The following ADRA1B variants were observed in gnomAD, a reference collection of about 807,000 sequenced individuals.
ADRA1B encodes the protein adrenoceptor alpha 1B, also known as alpha-1B adrenergic receptor.
A neutral mutation model predicts 17.9 loss-of-function variants in ADRA1B; 17 were observed. That is an observed-to-expected ratio of 0.95 (90% confidence interval 0.65 to 1.42). The LOEUF (loss-of-function observed/expected upper bound fraction) is 1.42. ADRA1B is among the 40% of genes most tolerant of loss of function. The pLI is 0.00. For missense variants in ADRA1B, 681 were observed against 722.1 expected, an observed-to-expected ratio of 0.94 and a Z score of 0.65; for synonymous variants, 366 against 327.6, an observed-to-expected ratio of 1.12 and a Z score of -1.27.
downstream of ADRA1B, among the ~76,000 whole-genome samples, chr5:159,973,038 C>A (rs1247435547): frequency 6.6e-6 from 1 of 152,220 alleles, no homozygotes; most frequent in Non-Finnish European, 1.5e-5. Flanking sequence ...TGTGGACGAG[C>A]GGCAGGCAGA....
intron 1 of ADRA1B, among the ~76,000 whole-genome samples, chr5:159,929,813 T>C (rs2030372): frequency 6.6e-6 from 1 of 152,192 alleles, no homozygotes; most frequent in Non-Finnish European, 1.5e-5. Flanking sequence ...ACTCTCAGTA[T>C]TTTTTCTCCT....
chr5:159,895,227 C>A (rs1015469115), intron 1 of ADRA1B, among the ~76,000 whole-genome samples: 3 of 152,204 alleles, frequency 2.0e-5, no homozygotes, highest in Admixed American at 2.0e-4. Flanking sequence ...CCCTTCTAGA[C>A]CAAGATGGCA....
chr5:159,988,412 T>C, the ADRA1B span, among the ~76,000 whole-genome samples: 1 of 152,234 alleles, frequency 6.6e-6, no homozygotes, highest in Non-Finnish European at 1.5e-5. Context: ...GCCACTATTT[T>C]GTAATGCTTT....
chr5:159,978,884 G>A, the ADRA1B span, among the ~76,000 whole-genome samples: 4 of 152,164 alleles, frequency 2.6e-5, no homozygotes, highest in East Asian at 1.9e-4. Context: ...ACGGACACCC[G>A]TACAGTACTT....
intron 1 of ADRA1B, among the ~76,000 whole-genome samples, chr5:159,896,547 A>T (rs11745333): frequency 0.15 from 22,230 of 152,252 alleles, 1,882 homozygotes; most frequent in Non-Finnish European, 0.19. Context: ...AGAAACATTT[A>T]AAAAGCTACT....
chr5:159,876,580 G>T (rs1753804978), intron 1 of ADRA1B, among the ~76,000 whole-genome samples: 1 of 152,162 alleles, frequency 6.6e-6, no homozygotes, highest in Admixed American at 6.5e-5. Context: ...CCTAGATTCA[G>T]CAGAGGGGGG....
chr5:159,989,180 G>A, the ADRA1B span, among the ~76,000 whole-genome samples: 1 of 151,992 alleles, frequency 6.6e-6, no homozygotes, highest in African/African-American at 2.4e-5. Flanking sequence ...TTCTTTGTTT[G>A]TTTGTTTGTT....
chr5:159,973,523 T>C (rs1368861625), downstream of ADRA1B, among the ~76,000 whole-genome samples: 1 of 152,176 alleles, frequency 6.6e-6, no homozygotes, highest in East Asian at 1.9e-4. Context: ...AGCACTCCAC[T>C]GATTGTTTGC....
chr5:159,950,142 T>G (rs1238497249), intron 1 of ADRA1B, among the ~76,000 whole-genome samples: 1 of 152,244 alleles, frequency 6.6e-6, no homozygotes, highest in Non-Finnish European at 1.5e-5. Context: ...GGAAGTTTTC[T>G]GTAATAATCC....
At chr5:159,958,753 T>C (rs1290758934) in intron 1 of ADRA1B, among the ~76,000 whole-genome samples, 1 of 152,236 alleles carries the variant, frequency 6.6e-6, no homozygotes, top group African/African-American at 2.4e-5. Context: ...AAAAGCAATC[T>C]ATGTATCTTC....
the ADRA1B span, among the ~76,000 whole-genome samples, chr5:159,978,076 C>T: frequency 1.3e-5 from 2 of 152,166 alleles, no homozygotes; most frequent in Admixed American, 6.5e-5. Flanking sequence ...TAGTACTTAT[C>T]ACCACCTGAC....
chr5:159,907,955 T>TCACACACACA lies in ADRA1B; in HGVS notation c.-255-8143_-255-8134dup, dbSNP rs371637793. ...TTTGTTCTCTCTCTCTCTCTCTCTG[T>TCACACACACA]CACACACACACACACACACACACAC... On this transcript the variant is annotated intron_variant, in intron 1 of 2. Coordinates refer to the ADRA1B transcript ENST00000641205. Among the ~76,000 whole-genome samples the TCACACACACA allele has an allele frequency of 2.9e-3, 425 of 147,020 alleles. 1 individual carries two copies. The highest frequency in any genetic ancestry group is 0.01 in the African/African-American group (402 of 39,994).
intron 1 of ADRA1B, among the ~76,000 whole-genome samples, chr5:159,927,728 CCT>C (rs1490526956): frequency 1.3e-5 from 2 of 151,952 alleles, no homozygotes; most frequent in Non-Finnish European, 2.9e-5. Context: ...AAAATGTCTC[CCT>C]GTTTTAAAAC....
intron 1 of ADRA1B, among the ~76,000 whole-genome samples, chr5:159,887,481 T>C (rs567280985): frequency 6.6e-6 from 1 of 152,368 alleles, no homozygotes; most frequent in African/African-American, 2.4e-5. Context: ...ATTTCATCTC[T>C]ATCTACCATT....
chr5:159,893,826 G>A (rs1054479661), intron 1 of ADRA1B, among the ~76,000 whole-genome samples: 14 of 152,242 alleles, frequency 9.2e-5, no homozygotes, highest in East Asian at 1.9e-4. Flanking sequence ...GGAAGCAAGC[G>A]GAAACTTGCA....
intron 1 of ADRA1B, among the ~76,000 whole-genome samples, chr5:159,908,685 G>T (rs72808186): frequency 6.6e-6 from 1 of 152,268 alleles, no homozygotes; most frequent in East Asian, 1.9e-4. Flanking sequence ...CAGTGCAAGC[G>T]ATTAAGACAT....
chr5:159,955,387 G>A (rs952588927), intron 1 of ADRA1B, among the ~76,000 whole-genome samples: 2 of 152,274 alleles, frequency 1.3e-5, no homozygotes, highest in East Asian at 1.9e-4. Context: ...GCACACCAGC[G>A]AAAGGACAGA....
chr5:159,925,348 T>C (rs867109397), intron 1 of ADRA1B, among the ~76,000 whole-genome samples: 15 of 152,270 alleles, frequency 9.9e-5, no homozygotes, highest in African/African-American at 3.1e-4. Flanking sequence ...GTATTATTGA[T>C]GCTTTAGAAG....
intron 1 of ADRA1B, among the ~76,000 whole-genome samples, chr5:159,957,585 C>T (rs182793079): frequency 5.1e-4 from 77 of 150,096 alleles, no homozygotes; most frequent in Admixed American, 3.7e-3. Context: ...TTTGTTTATT[C>T]ATATGATTTA....
Sources: gnomAD v4.1 joint callset for allele counts (sites outside exome capture counted in the v4.1 genomes callset) on GRCh38, gnomAD v4.1.1 for gene constraint, MANE v1.5 for transcripts, NCBI Gene and HGNC (gene_info 2026-07-23, HGNC 2026-07-21) for gene names.